The following DNAJC3 variants were observed in gnomAD, a reference collection of about 807,000 sequenced individuals.
DNAJC3 encodes the protein dnaJ homolog subfamily C member 3.
Under a neutral mutation model 68.6 loss-of-function variants are expected in DNAJC3, and 38 were observed. That is an observed-to-expected ratio of 0.55 (90% confidence interval 0.43 to 0.73). The LOEUF (loss-of-function observed/expected upper bound fraction) is 0.73. Ranked by LOEUF, DNAJC3 falls within the 30% of genes least tolerant of loss-of-function variation. The pLI is 0.00. For synonymous variants in DNAJC3, 203 were observed against 204.0 expected (o/e 1.00, Z 0.04); for missense variants, 526 against 591.9 (o/e 0.89, Z 1.16).
At chr13:95,688,239 T>C (rs868755943) in intron 1 of DNAJC3, among the ~76,000 whole-genome samples, 34 of 152,296 alleles carry the variant, frequency 2.2e-4, no homozygotes, top group South Asian at 1.2e-3. Context: ...GGTATTTGAC[T>C]TCTTTTCCTA....
intron 4 of DNAJC3, among the ~76,000 whole-genome samples, chr13:95,732,191 T>G (rs182381645): frequency 6.6e-6 from 1 of 152,194 alleles, no homozygotes; most frequent in African/African-American, 2.4e-5. Context: ...TCTGGCCTCA[T>G]AGAATGAGTT....
intron 4 of DNAJC3, among the ~76,000 whole-genome samples, chr13:95,726,136 C>T (rs1334637287): frequency 1.3e-5 from 2 of 151,776 alleles, no homozygotes; most frequent in South Asian, 2.1e-4. Context: ...AATAAACATA[C>T]GTGTGCATGT....
intron 4 of DNAJC3, among the ~76,000 whole-genome samples, chr13:95,747,035 T>C (rs1297620111): frequency 6.6e-6 from 1 of 152,226 alleles, no homozygotes; most frequent in Non-Finnish European, 1.5e-5. Context: ...TATTTAAATT[T>C]AGGCAGTTTT....
rs544126859 is a variant in DNAJC3, at chr13:95,790,577, C to A, written c.1358-296C>A. ...TGAATTATTTTTTTCCAAATAATTT[C>A]ATTGGGTAGTTATCAAGCTTGGGTG... On this transcript the variant is annotated intron_variant, in intron 11 of 11. Coordinates refer to ENST00000602402, the MANE Select transcript of DNAJC3 (RefSeq NM_006260.5). 1.2e-4 allele frequency among the ~76,000 whole-genome samples: 19 copies of A among 152,222 alleles called. No homozygotes were observed. In the East Asian group the frequency reaches 3.1e-3, roughly 25 times the overall value.
intron 4 of DNAJC3, among the ~76,000 whole-genome samples, chr13:95,754,864 G>C (rs1224876748): frequency 6.6e-6 from 1 of 152,172 alleles, no homozygotes; most frequent in African/African-American, 2.4e-5. Context: ...ACAGAAGGCA[G>C]ATCATCTCTT....
At chr13:95,751,651 G>T (rs1290855480) in intron 4 of DNAJC3, among the ~76,000 whole-genome samples, 1 of 152,222 alleles carries the variant, frequency 6.6e-6, no homozygotes, top group Non-Finnish European at 1.5e-5. Context: ...GATGGCACAA[G>T]AGTCTTTTGG....
intron 9 of DNAJC3, among the ~76,000 whole-genome samples, chr13:95,769,658 T>C (rs542465196): frequency 6.6e-6 from 1 of 152,358 alleles, no homozygotes; most frequent in East Asian, 1.9e-4. Flanking sequence ...ATATGGCATG[T>C]AGATTGATGA....
At chr13:95,739,862 C>A (rs868023536) in intron 4 of DNAJC3, among the ~76,000 whole-genome samples, 2 of 152,246 alleles carry the variant, frequency 1.3e-5, no homozygotes, top group South Asian at 4.1e-4. Context: ...TGAGGAACTG[C>A]GTTCCTTTAG....
At chr13:95,735,672 GT>G (rs1181748444) in intron 4 of DNAJC3, among the ~76,000 whole-genome samples, 22 of 149,220 alleles carry the variant, frequency 1.5e-4, no homozygotes, top group Non-Finnish European at 2.5e-4. Context: ...GGGGTTGTTT[GT>G]TTTTTTCTTG....
At chr13:95,693,597 G>C (rs1880344111) in intron 1 of DNAJC3, 1 of 151,568 alleles carries the variant, frequency 6.6e-6, no homozygotes, top group African/African-American at 2.4e-5. Flanking sequence ...ACAGCCCTTA[G>C]TGTAACCTAG....
chr13:95,747,615 G>C (rs1289083764), intron 4 of DNAJC3, among the ~76,000 whole-genome samples: 5 of 152,188 alleles, frequency 3.3e-5, no homozygotes, highest in African/African-American at 1.2e-4. Context: ...GTTTATGTTG[G>C]AAGTATTATG....
intron 9 of DNAJC3, among the ~76,000 whole-genome samples, chr13:95,784,809 T>C (rs977962465): frequency 6.6e-6 from 1 of 152,092 alleles, no homozygotes; most frequent in Non-Finnish European, 1.5e-5. Context: ...CCTTGTATTT[T>C]CTAAGTATTT....
rs1882778228 is a variant in DNAJC3, at chr13:95,760,150, T to G, written c.657T>G (p.Asn219Lys). The G allele has an allele frequency of 6.2e-7, 1 of 1,612,790 alleles. No homozygotes were observed. Among genetic ancestry groups the G allele is most frequent in the African/African-American group, 1.3e-5 (1 of 74,910 alleles). Reference sequence around the variant, plus strand: ...TAAAAGCTGCGTCAAAGTTGAAGAATGATAATACTGAAGCGTTTTATAAAA... The same window carrying G: ...TAAAAGCTGCGTCAAAGTTGAAGAAGGATAATACTGAAGCGTTTTATAAAA... ...SDLKAASKLK[N>K]DNTEAFYKIS... Residue 219 changes from asparagine to lysine, a missense_variant, in exon 6 of 12, where the codon AAT becomes AAG. By Grantham distance (94) the Asn-to-Lys change is moderately conservative (BLOSUM62 0). Coordinates refer to ENST00000602402, the MANE Select transcript of DNAJC3 (RefSeq NM_006260.5).
At chr13:95,785,109 C>T (rs184954270) in intron 9 of DNAJC3, among the ~76,000 whole-genome samples, 50 of 152,246 alleles carry the variant, frequency 3.3e-4, no homozygotes, top group African/African-American at 1.0e-3. Context: ...GGATTGTGGA[C>T]AGTTCCTTCT....
intron 1 of DNAJC3, among the ~76,000 whole-genome samples, chr13:95,691,016 G>C (rs1388463767): frequency 7.0e-6 from 1 of 142,422 alleles, no homozygotes; most frequent in East Asian, 2.2e-4. Context: ...CGGGCGGGGG[G>C]CTGACCCCCC....
intron 2 of DNAJC3, among the ~76,000 whole-genome samples, chr13:95,720,944 G>A (rs1304924199): frequency 2.0e-5 from 3 of 151,636 alleles, no homozygotes; most frequent in Non-Finnish European, 4.4e-5. Flanking sequence ...CCATTTGTAA[G>A]TGTACAATTC....
intron 11 of DNAJC3, among the ~76,000 whole-genome samples, chr13:95,788,311 A>G (rs554770227): frequency 1.3e-5 from 2 of 152,338 alleles, no homozygotes; most frequent in Admixed American, 1.3e-4. Context: ...GTGATAGTGT[A>G]TCAGACTGGG....
intron 1 of DNAJC3, among the ~76,000 whole-genome samples, chr13:95,698,555 C>A (rs964299868): frequency 6.6e-6 from 1 of 152,202 alleles, no homozygotes; most frequent in Non-Finnish European, 1.5e-5. Flanking sequence ...GATGTGTTCC[C>A]TGTCACACCC....
In DNAJC3 at chr13:95,785,999, G is replaced by T. The variant is rs751273715; in HGVS notation, c.1136G>T (p.Gly379Val). The T allele has an allele frequency of 1.9e-6, 3 of 1,612,416 alleles. No homozygotes were observed. The highest frequency in any genetic ancestry group is 1.7e-6 in the Non-Finnish European group (2 of 1,179,310). The change falls in exon 10 of 12, where the codon GGT becomes GTT. Residue 379 changes from glycine to valine, a missense_variant. Transcript: ENST00000602402. ...HNENDQQIRE[G>V]LEKAQRLLKQ... The stretch of plus-strand genomic sequence containing the variant: ...GAAAATGATCAGCAGATTCGAGAAG[G>T]TCTAGAGAAAGCACAAAGATTATTG...
Sources: allele counts gnomAD v4.1 joint callset (sites outside exome capture counted in the v4.1 genomes callset), GRCh38; gene constraint gnomAD v4.1.1; transcripts MANE v1.5; gene names NCBI Gene and HGNC (gene_info 2026-07-23, HGNC 2026-07-21).